Variants in RASGRF2 observed in about 807,000 individuals in gnomAD.
RASGRF2 encodes the protein ras-specific guanine nucleotide-releasing factor 2.
In RASGRF2, 76 loss-of-function variants were observed where a neutral mutation model predicts 151.0. That is an observed-to-expected ratio of 0.50 (90% CI 0.42 to 0.61). The LOEUF is 0.61. Ranked by LOEUF, RASGRF2 falls within the 20% of genes least tolerant of loss-of-function variation. The probability of loss-of-function intolerance (pLI) is 0.00; values close to 1 mark genes in which losing one functional copy is unlikely to be tolerated. For synonymous variants in RASGRF2, 504 were observed against 566.5 expected (o/e 0.89, Z 1.57); for missense variants, 1,148 against 1,564.6 (o/e 0.73, Z 4.49).
intron 15 of RASGRF2, among the ~76,000 whole-genome samples, chr5:81,117,750 G>A (rs940550354): frequency 1.3e-5 from 2 of 152,146 alleles, no homozygotes; most frequent in African/African-American, 2.4e-5. Context: ...AATCAGATAT[G>A]GGTGAGACTC....
chr5:81,217,208 T>C, intron 24 of RASGRF2, 148 bp from the exon 25 acceptor site: 1 of 1,184,634 alleles, frequency 8.4e-7, no homozygotes, highest in Non-Finnish European at 1.1e-6. Flanking sequence ...AAATTCTGCG[T>C]ATTATGAATA....
chr5:81,008,139 C>CTTTTTTTTTTTTTTTTTT (rs58105434), intron 1 of RASGRF2, among the ~76,000 whole-genome samples: 5 of 85,386 alleles, frequency 5.9e-5, no homozygotes, highest in Non-Finnish European at 6.7e-5. Flanking sequence ...TCTTTCTTTC[C>CTTTTTTTTTTTTTTTTTT]TTTTTTTTTT....
At chr5:81,054,152 G>T (rs1347360568) in intron 2 of RASGRF2, among the ~76,000 whole-genome samples, 2 of 152,226 alleles carry the variant, frequency 1.3e-5, no homozygotes, top group African/African-American at 4.8e-5. Context: ...TGTCAATTTT[G>T]GCTTTTGTTG....
intron 18 of RASGRF2, among the ~76,000 whole-genome samples, chr5:81,199,743 C>T (rs1466820759): frequency 1.3e-5 from 2 of 150,848 alleles, no homozygotes; most frequent in Admixed American, 6.6e-5. Flanking sequence ...ACTAAAAATC[C>T]AAAAATTAGC....
At chr5:80,962,565 A>G (rs1747596898) in intron 1 of RASGRF2, among the ~76,000 whole-genome samples, 1 of 151,270 alleles carries the variant, frequency 6.6e-6, no homozygotes, top group Admixed American at 6.6e-5. Flanking sequence ...ATCTCAAATT[A>G]TTTGTTTTCT....
At chr5:81,207,913 G>A (rs1188704193) in intron 21 of RASGRF2, among the ~76,000 whole-genome samples, 2 of 152,234 alleles carry the variant, frequency 1.3e-5, no homozygotes, top group Non-Finnish European at 2.9e-5. Context: ...AGCGCAGAGT[G>A]GAGGGAGAAA....
intron 1 of RASGRF2, among the ~76,000 whole-genome samples, chr5:80,995,403 C>T (rs199596030): frequency 0.18 from 3,880 of 21,796 alleles, 137 homozygotes; most frequent in Middle Eastern, 0.29. Flanking sequence ...TATATATACA[C>T]ACACACACAC....
chr5:80,985,490 T>C (rs1422123774), intron 1 of RASGRF2, among the ~76,000 whole-genome samples: 1 of 152,240 alleles, frequency 6.6e-6, no homozygotes, highest in Admixed American at 6.5e-5. Context: ...TCTATTTTAT[T>C]GTCACATAAT....
intron 18 of RASGRF2, among the ~76,000 whole-genome samples, chr5:81,190,261 G>A (rs1347567830): frequency 3.9e-5 from 6 of 152,188 alleles, no homozygotes; most frequent in Non-Finnish European, 8.8e-5. Flanking sequence ...CACATAGGCT[G>A]ACCCTTATCT....
At chr5:81,077,607 G>A (rs1175223986) in intron 5 of RASGRF2, among the ~76,000 whole-genome samples, 2 of 152,346 alleles carry the variant, frequency 1.3e-5, no homozygotes, top group South Asian at 4.1e-4. Flanking sequence ...CCTCTCAAGT[G>A]TGTGGGACAT....
At chr5:81,187,298 T>A (rs1428666090) in intron 18 of RASGRF2, among the ~76,000 whole-genome samples, 1 of 152,180 alleles carries the variant, frequency 6.6e-6, no homozygotes, top group Admixed American at 6.5e-5. Flanking sequence ...AAGCTGGAGT[T>A]TTAATGTTAT....
chr5:81,108,629 G>T (rs958552745), intron 12 of RASGRF2, among the ~76,000 whole-genome samples: 3 of 152,184 alleles, frequency 2.0e-5, no homozygotes, highest in Admixed American at 2.0e-4. Context: ...GAGCAATCAT[G>T]GTCAGGTCCC....
chr5:81,190,088 G>GC (rs1171257937), intron 18 of RASGRF2, among the ~76,000 whole-genome samples: 1 of 152,126 alleles, frequency 6.6e-6, no homozygotes, highest in Non-Finnish European at 1.5e-5. Flanking sequence ...GTCAGCCTCT[G>GC]CGTATCTCAG....
chr5:81,211,211 C>T (rs1340577671), intron 22 of RASGRF2, among the ~76,000 whole-genome samples: 1 of 151,346 alleles, frequency 6.6e-6, no homozygotes, highest in Non-Finnish European at 1.5e-5. Flanking sequence ...CTGTACTAGA[C>T]CAGATGCCCC....
intron 17 of RASGRF2, among the ~76,000 whole-genome samples, chr5:81,175,746 A>C (rs1754759572): frequency 7.5e-6 from 1 of 133,588 alleles, no homozygotes; most frequent in Admixed American, 7.8e-5. Flanking sequence ...CTAGAGCGAA[A>C]CTCCGTCTCA....
intron 1 of RASGRF2, among the ~76,000 whole-genome samples, chr5:80,968,189 A>G (rs1747784033): frequency 6.6e-6 from 1 of 152,084 alleles, no homozygotes; most frequent in African/African-American, 2.4e-5. Flanking sequence ...TCCTCTTTTT[A>G]TTTTCATTAT....
At chr5:81,081,238 C>G (rs1196969378) in intron 7 of RASGRF2, among the ~76,000 whole-genome samples, 5 of 152,140 alleles carry the variant, frequency 3.3e-5, no homozygotes, top group Non-Finnish European at 7.4e-5. Context: ...TCCTCCCTTC[C>G]TGTCGCGGTT....
At chr5:81,017,187 A>C (rs1257070715) in intron 1 of RASGRF2, among the ~76,000 whole-genome samples, 1 of 152,166 alleles carries the variant, frequency 6.6e-6, no homozygotes, top group Non-Finnish European at 1.5e-5. Context: ...TTCCAGGTGC[A>C]CTCTGGCAGT....
chr5:81,085,491 C>G (rs1752202209), intron 7 of RASGRF2, among the ~76,000 whole-genome samples: 1 of 151,982 alleles, frequency 6.6e-6, no homozygotes, highest in African/African-American at 2.4e-5. Context: ...CCCTCTGAAC[C>G]AGTTTTCAAA....
Sources: allele counts gnomAD v4.1 joint callset (sites outside exome capture counted in the v4.1 genomes callset), GRCh38; gene constraint gnomAD v4.1.1; transcripts MANE v1.5; gene names NCBI Gene and HGNC (gene_info 2026-07-23, HGNC 2026-07-21).